MYO6: variants seen among roughly 807,000 people sequenced by gnomAD.
MYO6 encodes myosin VI.
In MYO6, 74 loss-of-function variants were observed where a neutral mutation model predicts 178.7. The observed-to-expected ratio is 0.41, with a 90% CI of 0.34 to 0.50. The LOEUF (loss-of-function observed/expected upper bound fraction) is 0.50, where lower values mean the gene tolerates loss of function less well. Ranked by LOEUF, MYO6 falls within the 20% of genes least tolerant of loss-of-function variation. The pLI, the probability that MYO6 is intolerant of heterozygous loss-of-function variation, is 0.09. For synonymous variants in MYO6, 477 were observed against 504.6 expected, an observed-to-expected ratio of 0.95 and a Z score of 0.73; for missense variants, 1,330 against 1,547.4, an observed-to-expected ratio of 0.86 and a Z score of 2.36.
intron 4 of MYO6, among the ~76,000 whole-genome samples, chr6:75,829,016 A>G (rs571501567): frequency 6.6e-6 from 1 of 152,148 alleles, no homozygotes; most frequent in Admixed American, 6.5e-5. Flanking sequence ...AAGGCAGCCT[A>G]TAAGGAATGT....
intron 1 of MYO6, among the ~76,000 whole-genome samples, chr6:75,780,373 C>T (rs1435250002): frequency 2.6e-5 from 4 of 152,080 alleles, no homozygotes; most frequent in South Asian, 2.1e-4. Context: ...ACCCAGGAGG[C>T]GGAGATTGCA....
chr6:75,799,068 A>G (rs374665488), intron 1 of MYO6, among the ~76,000 whole-genome samples: 8 of 152,340 alleles, frequency 5.3e-5, no homozygotes, highest in African/African-American at 1.2e-4. Context: ...AAAGACCTCT[A>G]CAAGGAGAAC....
rs185875129 is a variant in MYO6, at chr6:75,894,855, C to T, written c.3108-376C>T. On this transcript the variant is annotated intron_variant, in intron 28 of 34. Coordinates refer to ENST00000369977, the MANE Select transcript of MYO6 (RefSeq NM_004999.4). ...GTAACTTCTAAGTAAGAATTGTTTT[C>T]TATGTATGTCATATGTTCTGAAATA... is the stretch of plus-strand genomic sequence containing the variant. 3.2e-3 allele frequency: 4,653 copies of T among 1,463,010 alleles called. 136 individuals are homozygous for T. In the African/African-American group the frequency reaches 0.058, roughly 18 times the overall value. 90.6% of individuals were successfully genotyped at this position (1,463,010 alleles called of 1,614,324 possible).
intron 32 of MYO6, among the ~76,000 whole-genome samples, chr6:75,909,677 T>C (rs1780610158): frequency 6.6e-6 from 1 of 152,218 alleles, no homozygotes; most frequent in African/African-American, 2.4e-5. Flanking sequence ...GGACTTACTG[T>C]GTTCAAATTG....
At chr6:75,878,628 G>C (rs1029910296) in intron 20 of MYO6, among the ~76,000 whole-genome samples, 5 of 152,162 alleles carry the variant, frequency 3.3e-5, no homozygotes, top group Non-Finnish European at 7.3e-5. Flanking sequence ...AAATTCACTG[G>C]TTTAAAAAGT....
intron 1 of MYO6, among the ~76,000 whole-genome samples, chr6:75,763,947 G>A (rs1457221706): frequency 6.6e-6 from 1 of 152,126 alleles, no homozygotes; most frequent in Non-Finnish European, 1.5e-5. Flanking sequence ...ATTGTAATTT[G>A]TGCTGTGTCC....
At chr6:75,862,784 A>T in intron 16 of MYO6, 61 bp downstream of exon 16, 1 of 1,563,342 alleles carries the variant, frequency 6.4e-7, no homozygotes, top group Non-Finnish European at 8.8e-7. Context: ...AAAAAGGTGC[A>T]TTAGCTATTA....
chr6:75,794,867 A>G (rs373169418), intron 1 of MYO6, among the ~76,000 whole-genome samples: 1 of 152,226 alleles, frequency 6.6e-6, no homozygotes, highest in South Asian at 2.1e-4. Context: ...AATTAATACT[A>G]CTTCATTGTG....
At chr6:75,881,109 C>T (rs960188524) in intron 22 of MYO6, among the ~76,000 whole-genome samples, 11 of 151,856 alleles carry the variant, frequency 7.2e-5, no homozygotes, top group East Asian at 3.9e-4. Flanking sequence ...AAAAATTAGC[C>T]GGGTGTGGTG....
At chr6:75,807,238 TC>T (rs1490162398) in intron 1 of MYO6, among the ~76,000 whole-genome samples, 1 of 152,242 alleles carries the variant, frequency 6.6e-6, no homozygotes, top group African/African-American at 2.4e-5. Flanking sequence ...TTTCTTCTTT[TC>T]TCACTAATCT....
Position 75,782,216 on chromosome 6 carries a change from C to T in MYO6, c.-48+32793C>T, listed in dbSNP as rs1240645459. ...GATTTTGTTTGAATTTAATGATAGACCAAAATGCAATTACTGTACACATTA... is the reference window on the plus strand; with the variant it reads ...GATTTTGTTTGAATTTAATGATAGATCAAAATGCAATTACTGTACACATTA... On this transcript the variant is annotated intron_variant, in intron 1 of 34. Transcript: ENST00000369977. Among the ~76,000 whole-genome samples, 3 of 151,996 alleles carry T rather than the reference C, an allele frequency of 2.0e-5. No individual in the cohort carries two copies. The East Asian group carries it at 5.8e-4, about 29-fold the overall frequency.
At chr6:75,765,887 C>T (rs1376545899) in intron 1 of MYO6, among the ~76,000 whole-genome samples, 1 of 151,714 alleles carries the variant, frequency 6.6e-6, no homozygotes, top group Non-Finnish European at 1.5e-5. Flanking sequence ...GTTAGCTGGG[C>T]GTGGTAGGTG....
At chr6:75,782,953 C>T (rs1384465453) in intron 1 of MYO6, among the ~76,000 whole-genome samples, 1 of 128,446 alleles carries the variant, frequency 7.8e-6, no homozygotes, top group African/African-American at 2.9e-5. Context: ...CTTGCTTTGT[C>T]ACCCAGGCTG....
intron 1 of MYO6, among the ~76,000 whole-genome samples, chr6:75,758,874 C>CT (rs112712452): frequency 0.017 from 2,364 of 141,800 alleles, 22 homozygotes; most frequent in Admixed American, 0.038. Flanking sequence ...TTGTATAGAT[C>CT]TTTTTTTTTT....
chr6:75,754,685 C>T (rs1777198385), intron 1 of MYO6, among the ~76,000 whole-genome samples: 1 of 152,140 alleles, frequency 6.6e-6, no homozygotes, highest in African/African-American at 2.4e-5. Context: ...CAAGTGTGAA[C>T]TGATTCCTCC....
At chr6:75,873,365 A>C in intron 20 of MYO6, 65 bp downstream of exon 20, 4 of 1,190,806 alleles carry the variant, frequency 3.4e-6, no homozygotes, top group Non-Finnish European at 5.0e-6. Context: ...TAATAGGTTC[A>C]GTATTTTCAA....
chr6:75,784,042 G>A (rs1361610433), intron 1 of MYO6, among the ~76,000 whole-genome samples: 1 of 151,952 alleles, frequency 6.6e-6, no homozygotes, highest in Admixed American at 6.6e-5. Context: ...CGCCATCTCC[G>A]CTCCCTACAA....
At chr6:75,885,346 C>T (rs572370156) in intron 23 of MYO6, among the ~76,000 whole-genome samples, 8 of 152,178 alleles carry the variant, frequency 5.3e-5, no homozygotes, top group African/African-American at 1.9e-4. Context: ...CCAGCCTGGC[C>T]GACATGGCAA....
intron 8 of MYO6, 88 bp downstream of exon 8, chr6:75,840,770 G>T (rs963029727): frequency 5.4e-6 from 5 of 932,224 alleles, no homozygotes; most frequent in Non-Finnish European, 8.6e-6. Flanking sequence ...GCACTTAATG[G>T]TAAATACCTT....
Sources: gnomAD v4.1 joint callset for allele counts (sites outside exome capture counted in the v4.1 genomes callset) on GRCh38, gnomAD v4.1.1 for gene constraint, MANE v1.5 for transcripts, NCBI Gene and HGNC (gene_info 2026-07-23, HGNC 2026-07-21) for gene names.